The following PLXNA2 variants were observed in gnomAD, a reference collection of about 807,000 sequenced individuals.
PLXNA2 encodes plexin A2.
A neutral mutation model predicts 193.5 loss-of-function variants in PLXNA2; 91 were observed. The observed-to-expected ratio is 0.47, with a 90% CI of 0.40 to 0.56. The LOEUF is 0.56. PLXNA2 is among the 20% of genes least tolerant of loss of function. PLXNA2 has a pLI of 0.00. For missense variants in PLXNA2, 1,995 were observed against 2,503.2 expected (o/e 0.80, Z 4.33); for synonymous variants, 997 against 1,027.3 (o/e 0.97, Z 0.56).
At chr1:208,167,167 G>A (rs1043199296) in intron 3 of PLXNA2, among the ~76,000 whole-genome samples, 2 of 152,054 alleles carry the variant, frequency 1.3e-5, no homozygotes, top group Non-Finnish European at 2.9e-5. Flanking sequence ...GTAAATCTTG[G>A]ACCACAGCTC....
intron 4 of PLXNA2, among the ~76,000 whole-genome samples, chr1:208,125,422 G>A (rs922231640): frequency 2.0e-5 from 3 of 152,170 alleles, no homozygotes; most frequent in African/African-American, 2.4e-5. Flanking sequence ...CCAGCCCTCA[G>A]ATTCCTTCCT....
chr1:208,148,998 G>A (rs1305722033), intron 3 of PLXNA2, among the ~76,000 whole-genome samples: 1 of 152,218 alleles, frequency 6.6e-6, no homozygotes, highest in African/African-American at 2.4e-5. Flanking sequence ...TTTTGACACA[G>A]AGTTATTGAG....
At chr1:208,032,720 T>C (rs1215322276) in intron 28 of PLXNA2, among the ~76,000 whole-genome samples, 8 of 146,148 alleles carry the variant, frequency 5.5e-5, no homozygotes, top group Non-Finnish European at 1.2e-4. Context: ...TGGGGTGGGA[T>C]GGGATGGGAA....
intron 9 of PLXNA2, among the ~76,000 whole-genome samples, chr1:208,092,010 T>C (rs185384684): frequency 7.2e-5 from 11 of 152,324 alleles, no homozygotes; most frequent in African/African-American, 2.4e-4. Context: ...GTCTCTATAG[T>C]TGTTCAAATC....
At chr1:208,103,922 G>T (rs1667178854) in intron 4 of PLXNA2, among the ~76,000 whole-genome samples, 1 of 152,168 alleles carries the variant, frequency 6.6e-6, no homozygotes, top group Non-Finnish European at 1.5e-5. Flanking sequence ...TGTAGCCCTT[G>T]CACACTCCTC....
intron 4 of PLXNA2, among the ~76,000 whole-genome samples, chr1:208,105,559 C>T (rs972036292): frequency 1.3e-5 from 2 of 152,180 alleles, no homozygotes; most frequent in Non-Finnish European, 2.9e-5. Flanking sequence ...CATGCAGCCA[C>T]CACCACCACC....
intron 1 of PLXNA2, among the ~76,000 whole-genome samples, chr1:208,239,334 T>G (rs758802578): frequency 3.5e-4 from 54 of 152,182 alleles, no homozygotes; most frequent in Non-Finnish European, 7.2e-4. Flanking sequence ...TTTCTCTTTG[T>G]GTTCACTCTG....
At position 208,044,883 on chromosome 1, in the gene PLXNA2, C is replaced by A; in HGVS notation, c.3640-141G>T. ...GCTCTAGATAAAAAGCAATTTCCTGCCTCGGCATCTGCCTTTCTTTTCTTG... is the reference window on the plus strand; with the variant it reads ...GCTCTAGATAAAAAGCAATTTCCTGACTCGGCATCTGCCTTTCTTTTCTTG... On this transcript the variant is annotated intron_variant, in intron 19 of 31. Coordinates refer to ENST00000367033, the MANE Select transcript of PLXNA2 (RefSeq NM_025179.4). The surrounding 1 kb of genome is among the most constrained non-coding windows in gnomAD (Gnocchi z 4.9). 1 of 989,866 alleles carries A rather than the reference C, an allele frequency of 1.0e-6. No homozygotes were observed. The allele number at this position is 989,866 out of a possible 1,614,324, so 61.3% of individuals were successfully genotyped here.
intron 4 of PLXNA2, among the ~76,000 whole-genome samples, chr1:208,133,616 T>C (rs1362755094): frequency 6.6e-6 from 1 of 152,238 alleles, no homozygotes; most frequent in South Asian, 2.1e-4. Context: ...ATGCAAACAA[T>C]ATGCAAATCT....
intron 3 of PLXNA2, among the ~76,000 whole-genome samples, chr1:208,171,090 AC>A (rs1000544113): frequency 9.9e-5 from 15 of 152,204 alleles, no homozygotes; most frequent in Non-Finnish European, 1.9e-4. Flanking sequence ...TCCAATCTGA[AC>A]CAGGGGACAT....
intron 4 of PLXNA2, among the ~76,000 whole-genome samples, chr1:208,137,386 A>C (rs1668335757): frequency 6.6e-6 from 1 of 152,192 alleles, no homozygotes; most frequent in South Asian, 2.1e-4. Flanking sequence ...CTCCTTTTCT[A>C]GGAGTGGCCA....
Position 208,225,684 on chromosome 1 carries a change from T to C in PLXNA2, c.-80-7682A>G, listed in dbSNP as rs114865134. On this transcript the variant is annotated intron_variant, in intron 1 of 31. Coordinates refer to ENST00000367033, the MANE Select transcript of PLXNA2 (RefSeq NM_025179.4). ...TAGGGTAGGCTCTAATGCGGTGTGATCTGGTGTCCTTATAAAAAGGGGGAA... is the reference window on the plus strand; with the variant it reads ...TAGGGTAGGCTCTAATGCGGTGTGACCTGGTGTCCTTATAAAAAGGGGGAA... Among the ~76,000 whole-genome samples the C allele has an allele frequency of 4.8e-3, 726 of 152,200 alleles. 7 individuals carry two copies. The highest frequency in any genetic ancestry group is 0.017 in the African/African-American group (692 of 41,532).
intron 6 of PLXNA2, among the ~76,000 whole-genome samples, chr1:208,097,832 A>C (rs563005839): frequency 6.7e-6 from 1 of 149,658 alleles, no homozygotes; most frequent in South Asian, 2.2e-4. Context: ...CTCCAAGCTG[A>C]GGACCATGAT....
rs540740979 is a variant in PLXNA2, at chr1:208,053,170, G to C, written c.2857-707C>G. The stretch of plus-strand genomic sequence containing the variant: ...TGCCTGGAGGGCAGTGGAGTGGAGT[G>C]AATTGGAAAATGCATTTAACTGAGC... On this transcript the variant is annotated intron_variant, in intron 14 of 31. Transcript: ENST00000367033. 2.6e-5 allele frequency among the ~76,000 whole-genome samples: 4 copies of C among 152,360 alleles called. No homozygotes were observed. The South Asian group carries it at 8.3e-4, about 32-fold the overall frequency.
chr1:208,124,679 CAAAAAAAAAAAAA>C (rs34909092), intron 4 of PLXNA2, among the ~76,000 whole-genome samples: 14 of 68,592 alleles, frequency 2.0e-4, no homozygotes, highest in Non-Finnish European at 3.1e-4. Flanking sequence ...AACTCCGTCT[CAAAAAAAAAAAAA>C]AAAAAAAAAA....
At chr1:208,089,104 T>C (rs1666630147) in intron 9 of PLXNA2, among the ~76,000 whole-genome samples, 1 of 152,342 alleles carries the variant, frequency 6.6e-6, no homozygotes, top group South Asian at 2.1e-4. Flanking sequence ...CTGTTCTTCA[T>C]TGTCAAGCCT....
At position 208,103,140 on chromosome 1, in the gene PLXNA2, A is replaced by T. The variant is rs771639278; in HGVS notation, c.1607+7T>A. 6.2e-7 allele frequency: 1 copy of T among 1,610,190 alleles called. No individual in the cohort carries two copies. The highest frequency in any genetic ancestry group is 8.5e-7 in the Non-Finnish European group (1 of 1,176,652). On this transcript the variant is annotated splice_region_variant and intron_variant, in intron 5 of 31. Transcript: ENST00000367033. ...CCAAACCCTTTTCCAGTATACCCCA[A>T]ACTTACATGTTGTGCAGGGCACACC...
chr1:208,051,300 A>C lies in PLXNA2; in HGVS notation c.3117T>G (p.Asp1039Glu). ...VDSNLQFEYI[D>E]DPRVQRIEPE... ...GCTCGATGCGCTGGACCCGAGGGTCATCTATGTACTCAAACTGCAGGTTGC... is the reference window on the plus strand; with the variant it reads ...GCTCGATGCGCTGGACCCGAGGGTCCTCTATGTACTCAAACTGCAGGTTGC... The change falls in exon 16 of 32, where the codon GAT becomes GAG. Residue 1039 changes from aspartate (D) to glutamate (E), a missense_variant. Transcript: ENST00000367033. The C allele has an allele frequency of 6.2e-7, 1 of 1,613,394 alleles. No individual in the cohort carries two copies. Among genetic ancestry groups the C allele is most frequent in the South Asian group, 1.1e-5 (1 of 90,872 alleles).
At chr1:208,192,989 G>C (rs1336952530) in intron 3 of PLXNA2, among the ~76,000 whole-genome samples, 3 of 151,424 alleles carry the variant, frequency 2.0e-5, no homozygotes, top group Non-Finnish European at 2.9e-5. Flanking sequence ...CAATGGGCCC[G>C]CTACACAAAA....
Sources: allele counts gnomAD v4.1 joint callset (sites outside exome capture counted in the v4.1 genomes callset), GRCh38; gene constraint gnomAD v4.1.1; non-coding constraint Gnocchi (gnomAD v3.1); transcripts MANE v1.5; gene names NCBI Gene and HGNC (gene_info 2026-07-23, HGNC 2026-07-21).